The following LARGE1 variants were observed in gnomAD, a reference collection of about 807,000 sequenced individuals.
LARGE1 encodes the protein LARGE xylosyl- and glucuronyltransferase 1, also known as xylosyl- and glucuronyltransferase LARGE1.
In LARGE1, 43 loss-of-function variants were observed where a neutral mutation model predicts 87.6. That is an observed-to-expected ratio of 0.49 (90% CI 0.38 to 0.63). The LOEUF is 0.63. LARGE1 is among the 30% of genes least tolerant of loss of function. The pLI, the probability that LARGE1 is intolerant of heterozygous loss-of-function variation, is 0.00. For synonymous variants in LARGE1, 434 were observed against 394.6 expected, an observed-to-expected ratio of 1.10 and a Z score of -1.18; for missense variants, 802 against 1,000.2, an observed-to-expected ratio of 0.80 and a Z score of 2.67.
At chr22:33,865,600 T>G (rs2064070108) in intron 1 of LARGE1, among the ~76,000 whole-genome samples, 1 of 152,056 alleles carries the variant, frequency 6.6e-6, no homozygotes, top group South Asian at 2.1e-4. Context: ...TCCCTTGCTG[T>G]ACGCAGGGAA....
intron 2 of LARGE1, among the ~76,000 whole-genome samples, chr22:33,677,289 A>T (rs1017513520): frequency 2.3e-4 from 22 of 95,042 alleles, no homozygotes; most frequent in South Asian, 1.3e-3. Flanking sequence ...TTCAGGAGTT[A>T]AAAAAAAAAA....
intron 11 of LARGE1, among the ~76,000 whole-genome samples, chr22:33,212,967 G>A (rs1478048853): frequency 3.3e-5 from 5 of 151,288 alleles, no homozygotes; most frequent in Non-Finnish European, 5.9e-5. Flanking sequence ...GCAGTGAGCC[G>A]AGATCGTGCC....
intron 11 of LARGE1, among the ~76,000 whole-genome samples, chr22:33,184,303 C>A (rs1004883574): frequency 2.0e-5 from 3 of 150,946 alleles, no homozygotes; most frequent in Non-Finnish European, 4.4e-5. Context: ...CCTAGATAAG[C>A]TGAAAATATT....
intron 1 of LARGE1, among the ~76,000 whole-genome samples, chr22:33,775,612 G>C: frequency 6.6e-6 from 1 of 152,200 alleles, no homozygotes; most frequent in Non-Finnish European, 1.5e-5. Flanking sequence ...AGCACTTTGG[G>C]AGGCTGAAGT....
intron 9 of LARGE1, among the ~76,000 whole-genome samples, chr22:33,346,707 G>A (rs1939808156): frequency 6.6e-6 from 1 of 152,020 alleles, no homozygotes; most frequent in South Asian, 2.1e-4. Context: ...ACCTCCTTGT[G>A]TGTCTCCCCC....
intron 6 of LARGE1, among the ~76,000 whole-genome samples, chr22:33,548,241 C>T (rs755045123): frequency 6.6e-6 from 1 of 152,194 alleles, no homozygotes; most frequent in Non-Finnish European, 1.5e-5. Context: ...TTCCCCTACG[C>T]TCTTTTGCTT....
chr22:33,103,537 G>A, the LARGE1 span, among the ~76,000 whole-genome samples: 1 of 151,260 alleles, frequency 6.6e-6, no homozygotes, highest in South Asian at 2.1e-4. Context: ...GTTGGTCACT[G>A]AGGAAGGAGT....
At chr22:33,686,646 C>T (rs2081953156) in intron 2 of LARGE1, among the ~76,000 whole-genome samples, 1 of 151,752 alleles carries the variant, frequency 6.6e-6, no homozygotes, top group Non-Finnish European at 1.5e-5. Flanking sequence ...TCAGCATGTC[C>T]ATTTGGCCTA....
chr22:33,298,871 A>G (rs1479096230), intron 12 of LARGE1, among the ~76,000 whole-genome samples: 2 of 151,398 alleles, frequency 1.3e-5, no homozygotes, highest in African/African-American at 4.9e-5. Context: ...GAAAAGAAAA[A>G]AGAAAAGAAA....
At chr22:33,084,971 A>G in the LARGE1 span, among the ~76,000 whole-genome samples, 3 of 152,170 alleles carry the variant, frequency 2.0e-5, no homozygotes, top group Non-Finnish European at 2.9e-5. Flanking sequence ...TTTATAAAGC[A>G]TATTCTCAAA....
At chr22:33,552,594 C>T (rs1486271977) in intron 6 of LARGE1, among the ~76,000 whole-genome samples, 1 of 152,214 alleles carries the variant, frequency 6.6e-6, no homozygotes, top group African/African-American at 2.4e-5. Context: ...CTCCTTTAGT[C>T]TACAGTCCTA....
At chr22:33,095,617 C>A in the LARGE1 span, among the ~76,000 whole-genome samples, 3 of 151,964 alleles carry the variant, frequency 2.0e-5, no homozygotes, top group Non-Finnish European at 4.4e-5. Flanking sequence ...ATTGCCACTG[C>A]CTATAAAAGG....
In LARGE1 at chr22:33,626,314, C is replaced by T; in HGVS notation, c.421G>A (p.Ala141Thr). ...GCATTGTATCCGGCGCAGACAATAGCAACGTGGATTGTCTGGGAAGAAAAG... is the reference window on the plus strand; with the variant it reads ...GCATTGTATCCGGCGCAGACAATAGTAACGTGGATTGTCTGGGAAGAAAAG... ...VVEKCETIHV[A>T]IVCAGYNASR... Residue 141 changes from alanine to threonine, a missense_variant, in exon 4 of 15, where the codon GCT becomes ACT. By Grantham distance (58) the Ala-to-Thr change is moderately conservative. Transcript: ENST00000397394. The T allele has an allele frequency of 1.2e-6, 2 of 1,613,828 alleles. No homozygotes were observed. The highest frequency in any genetic ancestry group is 1.7e-4 in the Middle Eastern group (1 of 6,058).
the LARGE1 span, among the ~76,000 whole-genome samples, chr22:33,125,333 G>A: frequency 6.6e-6 from 1 of 152,048 alleles, no homozygotes; most frequent in African/African-American, 2.4e-5. Flanking sequence ...GTACACATAT[G>A]TGAAAAAAAT....
chr22:33,773,736 A>T (rs911624208), intron 1 of LARGE1, among the ~76,000 whole-genome samples: 1 of 152,212 alleles, frequency 6.6e-6, no homozygotes, highest in Non-Finnish European at 1.5e-5. Context: ...GTTATCCTGG[A>T]GCCTCCCGTC....
intron 2 of LARGE1, among the ~76,000 whole-genome samples, chr22:33,752,712 G>A (rs1020986295): frequency 2.0e-5 from 3 of 152,316 alleles, no homozygotes; most frequent in Admixed American, 6.5e-5. Flanking sequence ...TGTCCATAAA[G>A]GACAAGAAGA....
intron 1 of LARGE1, among the ~76,000 whole-genome samples, chr22:33,796,349 A>G (rs545536634): frequency 2.0e-4 from 31 of 152,320 alleles, no homozygotes; most frequent in African/African-American, 6.5e-4. Flanking sequence ...ATCAGAAAAG[A>G]GGAAGGCAGA....
chr22:33,323,594 TA>T (rs200730500), intron 10 of LARGE1, among the ~76,000 whole-genome samples: 2 of 151,834 alleles, frequency 1.3e-5, no homozygotes, highest in African/African-American at 4.8e-5. Context: ...AAGCAGGCCA[TA>T]AAAAACTGTG....
At chr22:33,681,266 G>T (rs1244597302) in intron 2 of LARGE1, among the ~76,000 whole-genome samples, 3 of 152,154 alleles carry the variant, frequency 2.0e-5, no homozygotes, top group Non-Finnish European at 4.4e-5. Context: ...ATTTGCAGGG[G>T]ATGATGTGAA....
Sources: allele counts gnomAD v4.1 joint callset (sites outside exome capture counted in the v4.1 genomes callset), GRCh38; gene constraint gnomAD v4.1.1; transcripts MANE v1.5; gene names NCBI Gene and HGNC (gene_info 2026-07-23, HGNC 2026-07-21).